The following SUGCT variants were observed in gnomAD, a reference collection of about 807,000 sequenced individuals.
The protein encoded by SUGCT is succinyl-CoA:glutarate CoA-transferase.
Under a neutral mutation model 55.0 loss-of-function variants are expected in SUGCT, and 41 were observed. The ratio of observed to expected loss-of-function variants is 0.74; its 90% CI spans 0.58 to 0.97. SUGCT has a LOEUF of 0.97. Ranked by LOEUF, SUGCT falls within the 50% of genes least tolerant of loss-of-function variation. The pLI, the probability that SUGCT is intolerant of heterozygous loss-of-function variation, is 0.00. For missense variants in SUGCT, 568 were observed against 547.8 expected (o/e 1.04, Z -0.37); for synonymous variants, 187 against 200.4 (o/e 0.93, Z 0.56).
chr7:40,855,579 T>C (rs1584543253), intron 13 of SUGCT, among the ~76,000 whole-genome samples: 1 of 152,360 alleles, frequency 6.6e-6, no homozygotes, highest in Middle Eastern at 3.4e-3. Context: ...TTAACATCTT[T>C]TATTTGGTTC....
In SUGCT at chr7:40,295,123, C is replaced by T. The variant is rs1223162501; in HGVS notation, c.720+20467C>T. Among the ~76,000 whole-genome samples, 11 of 152,022 alleles carry T rather than the reference C, an allele frequency of 7.2e-5. 1 individual carries two copies. The highest frequency in any genetic ancestry group is 6.6e-4 in the Admixed American group (10 of 15,254). ...GACTGTAAAAGTATGGAGCATAGTA[C>T]TTTTTCACATCTTTAACAAAAGAAA... On this transcript the variant is annotated intron_variant, in intron 8 of 13. Transcript: ENST00000335693.
In SUGCT at chr7:40,388,455, G is replaced by C. The variant is rs374544065; in HGVS notation, c.817-60832G>C. Among the ~76,000 whole-genome samples, 89 of 152,096 alleles carry C rather than the reference G, an allele frequency of 5.9e-4. No homozygotes were observed. The Middle Eastern group carries it at 0.017, about 29-fold the overall frequency. Reference sequence around the variant, plus strand: ...TTTTTGGAGACAGTCTCGCTTTGTCGTCCAGGCTGGAGTGCAGCGGCGCGA... The same window carrying C: ...TTTTTGGAGACAGTCTCGCTTTGTCCTCCAGGCTGGAGTGCAGCGGCGCGA... On this transcript the variant is annotated intron_variant, in intron 9 of 13. Coordinates refer to ENST00000335693, the MANE Select transcript of SUGCT (RefSeq NM_001193313.2).
chr7:40,810,308 G>A (rs376126270), intron 13 of SUGCT, among the ~76,000 whole-genome samples: 12 of 152,180 alleles, frequency 7.9e-5, no homozygotes, highest in African/African-American at 2.6e-4. Flanking sequence ...AGGTCAAATG[G>A]AAGCTCTGGT....
chr7:40,605,697 C>T (rs1268558745), intron 12 of SUGCT, among the ~76,000 whole-genome samples: 1 of 152,192 alleles, frequency 6.6e-6, no homozygotes, highest in East Asian at 1.9e-4. Flanking sequence ...GCGAGGGAAA[C>T]ACAGAGATGG....
At chr7:40,594,668 G>T (rs928329246) in intron 12 of SUGCT, among the ~76,000 whole-genome samples, 1 of 152,152 alleles carries the variant, frequency 6.6e-6, no homozygotes, top group African/African-American at 2.4e-5. Context: ...AACAGCTGGG[G>T]ACACCCCTCC....
intron 12 of SUGCT, among the ~76,000 whole-genome samples, chr7:40,681,452 A>C (rs1020579188): frequency 9.2e-5 from 14 of 152,038 alleles, no homozygotes; most frequent in African/African-American, 3.4e-4. Flanking sequence ...TTGTTATAGA[A>C]CCCAACTGGG....
intron 12 of SUGCT, among the ~76,000 whole-genome samples, chr7:40,608,616 C>T (rs1435521771): frequency 1.3e-5 from 2 of 152,196 alleles, no homozygotes; most frequent in Non-Finnish European, 2.9e-5. Flanking sequence ...AGTATTTTCT[C>T]TAGCTCTAGG....
intron 9 of SUGCT, among the ~76,000 whole-genome samples, chr7:40,444,446 G>A (rs941917433): frequency 1.6e-4 from 25 of 152,110 alleles, no homozygotes; most frequent in African/African-American, 6.0e-4. Flanking sequence ...CACATCCCTT[G>A]TAAGTTGGAT....
chr7:40,888,293 C>A, the SUGCT span, among the ~76,000 whole-genome samples: 3 of 152,068 alleles, frequency 2.0e-5, no homozygotes, highest in African/African-American at 7.2e-5. Flanking sequence ...GCAAATGCTT[C>A]TCCATGAAGT....
At chr7:40,288,075 A>G (rs974136055) in intron 8 of SUGCT, among the ~76,000 whole-genome samples, 3 of 152,174 alleles carry the variant, frequency 2.0e-5, no homozygotes, top group African/African-American at 4.8e-5. Flanking sequence ...TGTACTCAGT[A>G]TGCTAGTATG....
At chr7:40,823,747 A>T (rs1792154101) in intron 13 of SUGCT, among the ~76,000 whole-genome samples, 2 of 152,144 alleles carry the variant, frequency 1.3e-5, no homozygotes, top group Admixed American at 6.6e-5. Context: ...AGAAATTAAG[A>T]GGTGGCATGT....
At chr7:40,535,367 A>G (rs1398574947) in intron 12 of SUGCT, among the ~76,000 whole-genome samples, 1 of 152,096 alleles carries the variant, frequency 6.6e-6, no homozygotes, top group African/African-American at 2.4e-5. Flanking sequence ...ATGTCCATGT[A>G]TAGACATTGT....
the SUGCT span, among the ~76,000 whole-genome samples, chr7:40,930,807 TAAG>T: frequency 6.6e-6 from 1 of 152,226 alleles, no homozygotes; most frequent in African/African-American, 2.4e-5. Flanking sequence ...CTTATCAGCT[TAAG>T]GAGATTTTGG....
chr7:40,624,789 A>G (rs1799440729), intron 12 of SUGCT, among the ~76,000 whole-genome samples: 1 of 145,090 alleles, frequency 6.9e-6, no homozygotes, highest in Non-Finnish European at 1.5e-5. Context: ...ACACACACAC[A>G]CACACACACA....
At chr7:40,377,198 CTTTTCTTTTCTTTT>C (rs1784620942) in intron 9 of SUGCT, among the ~76,000 whole-genome samples, 3 of 16,570 alleles carry the variant, frequency 1.8e-4, no homozygotes, top group Admixed American at 9.7e-4. Flanking sequence ...TTCTTTCTTT[CTTTTCTTTTCTTTT>C]CTTTCTTTTC....
At chr7:40,898,678 C>T in the SUGCT span, among the ~76,000 whole-genome samples, 9 of 151,616 alleles carry the variant, frequency 5.9e-5, no homozygotes, top group East Asian at 1.9e-4. Context: ...GAGCAGAGAT[C>T]GCGCCGCGAG....
In SUGCT at chr7:40,608,307, A is replaced by G. The variant is rs542756517; in HGVS notation, c.1089+111921A>G. On this transcript the variant is annotated intron_variant, in intron 12 of 13. Coordinates refer to ENST00000335693, the MANE Select transcript of SUGCT (RefSeq NM_001193313.2). ...AAATCTTCCTTATACACTCTAGGCA[A>G]TACTTAAACATTTAACTCTTAGCAA... is the stretch of plus-strand genomic sequence containing the variant. Among the ~76,000 whole-genome samples the G allele has an allele frequency of 3.9e-5, 6 of 152,348 alleles. No individual in the cohort carries two copies. The East Asian group carries it at 1.2e-3, about 29-fold the overall frequency.
At chr7:40,944,640 T>C in the SUGCT span, among the ~76,000 whole-genome samples, 3 of 152,172 alleles carry the variant, frequency 2.0e-5, no homozygotes, top group East Asian at 3.9e-4. Context: ...ATTGTTTTGG[T>C]ACCAGTACCA....
the SUGCT span, among the ~76,000 whole-genome samples, chr7:40,979,000 C>T: frequency 1.3e-5 from 2 of 152,112 alleles, no homozygotes; most frequent in African/African-American, 2.4e-5. Context: ...CCTTTATATG[C>T]CTTGCTCAGC....
Sources: allele counts gnomAD v4.1 joint callset (sites outside exome capture counted in the v4.1 genomes callset), GRCh38; gene constraint gnomAD v4.1.1; transcripts MANE v1.5; gene names NCBI Gene and HGNC (gene_info 2026-07-23, HGNC 2026-07-21).